The following NALCN variants were observed in gnomAD, a reference collection of about 807,000 sequenced individuals.
NALCN encodes sodium leak channel, non-selective, also known as sodium leak channel NALCN.
A neutral mutation model predicts 225.3 loss-of-function variants in NALCN; 111 were observed. The ratio of observed to expected loss-of-function variants is 0.49; its 90% CI spans 0.42 to 0.58. The LOEUF is 0.58. Among genes scored for constraint, NALCN ranks in the 20% least tolerant of loss-of-function variants. The pLI is 0.00. For synonymous variants in NALCN, 764 were observed against 769.0 expected, an observed-to-expected ratio of 0.99 and a Z score of 0.11; for missense variants, 1,378 against 2,202.4, an observed-to-expected ratio of 0.63 and a Z score of 7.49.
chr13:101,283,785 G>T, intron 10 of NALCN, 148 bp downstream of exon 10: 1 of 601,076 alleles, frequency 1.7e-6, no homozygotes, highest in Non-Finnish European at 2.7e-6. Flanking sequence ...TAGGTCCTGG[G>T]AATAGAGGAA....
chr13:101,229,074 A>C (rs529289511), intron 13 of NALCN, among the ~76,000 whole-genome samples: 1 of 152,322 alleles, frequency 6.6e-6, no homozygotes, highest in African/African-American at 2.4e-5. Flanking sequence ...TGAACACAAA[A>C]ATGCAAGCTT....
intron 17 of NALCN, among the ~76,000 whole-genome samples, chr13:101,140,243 T>C (rs551309777): frequency 5.7e-4 from 87 of 152,248 alleles, no homozygotes; most frequent in African/African-American, 2.0e-3. Flanking sequence ...CTGGGGAGGG[T>C]TCGCTTCGGG....
At chr13:101,385,794 A>C (rs2046970838) in intron 3 of NALCN, among the ~76,000 whole-genome samples, 1 of 152,156 alleles carries the variant, frequency 6.6e-6, no homozygotes, top group African/African-American at 2.4e-5. Flanking sequence ...GGCCCATTTT[A>C]TCATATTTCA....
At chr13:101,294,752 T>G (rs982167316) in intron 7 of NALCN, among the ~76,000 whole-genome samples, 1 of 151,976 alleles carries the variant, frequency 6.6e-6, no homozygotes, top group Admixed American at 6.6e-5. Context: ...ATGAAGTAAT[T>G]CTTTAACATA....
intron 10 of NALCN, among the ~76,000 whole-genome samples, chr13:101,278,516 C>G (rs2043037096): frequency 9.3e-6 from 1 of 108,098 alleles, no homozygotes; most frequent in East Asian, 2.9e-4. Context: ...GAGTGAGACT[C>G]TGTCTCAAAA....
rs978248260 is a variant in NALCN at position 101,284,075 on chromosome 13, C to A, written c.1048-56G>T. The A allele has an allele frequency of 4.9e-6, 7 of 1,429,158 alleles. No individual in the cohort carries two copies. In the Admixed American group the frequency reaches 1.2e-4, roughly 24 times the overall value. The allele number at this position is 1,429,158 out of a possible 1,614,324, so 88.5% of individuals were successfully genotyped here. ...GACATTTAATATGGAACATTGAGAA[C>A]TCTATGTCTCCAGCTTTGTATATTT... On this transcript the variant is annotated intron_variant, in intron 9 of 43. Transcript: ENST00000251127.
chr13:101,264,628 G>A (rs1276983421), intron 10 of NALCN, among the ~76,000 whole-genome samples: 2 of 152,172 alleles, frequency 1.3e-5, no homozygotes, highest in East Asian at 1.9e-4. Context: ...TGAATTTTGA[G>A]AAGCACTGTT....
intron 15 of NALCN, among the ~76,000 whole-genome samples, chr13:101,158,003 A>G (rs2037988838): frequency 6.6e-6 from 1 of 152,058 alleles, no homozygotes; most frequent in South Asian, 2.1e-4. Context: ...CACCCACCTC[A>G]GCCTCCCAAA....
chr13:101,118,778 T>C (rs2035835932), intron 18 of NALCN, among the ~76,000 whole-genome samples: 1 of 152,108 alleles, frequency 6.6e-6, no homozygotes, highest in Non-Finnish European at 1.5e-5. Context: ...ATCTCAGGGG[T>C]TGGCACAAAC....
At chr13:101,279,766 G>A (rs1415577810) in intron 10 of NALCN, among the ~76,000 whole-genome samples, 3 of 148,784 alleles carry the variant, frequency 2.0e-5, no homozygotes, top group African/African-American at 4.9e-5. Context: ...GCAGTGAGCC[G>A]AGATCCCGCC....
intron 11 of NALCN, among the ~76,000 whole-genome samples, chr13:101,257,670 T>C (rs548855): frequency 0.36 from 54,143 of 151,898 alleles, 10,433 homozygotes; most frequent in Admixed American, 0.45. Flanking sequence ...TATACCTCAC[T>C]CACACAATGA....
chr13:101,323,653 A>C (rs1287337661), intron 7 of NALCN, among the ~76,000 whole-genome samples: 1 of 152,246 alleles, frequency 6.6e-6, no homozygotes, highest in Admixed American at 6.5e-5. Flanking sequence ...TCAACATAGT[A>C]AGCTCAATTA....
chr13:101,357,737 T>C (rs751296483), intron 6 of NALCN, among the ~76,000 whole-genome samples: 3 of 151,872 alleles, frequency 2.0e-5, no homozygotes, highest in African/African-American at 2.4e-5. Flanking sequence ...AGACAATCCT[T>C]AGGAAAAAGA....
intron 3 of NALCN, 63 bp from the exon 4 acceptor site, chr13:101,378,716 A>C (rs991406269): frequency 7.4e-7 from 1 of 1,344,688 alleles, no homozygotes; most frequent in Non-Finnish European, 1.0e-6. Flanking sequence ...CAATCTGTGG[A>C]GGAAAATGTC....
At chr13:101,401,820 T>C (rs1421299118) in intron 1 of NALCN, among the ~76,000 whole-genome samples, 3 of 152,116 alleles carry the variant, frequency 2.0e-5, no homozygotes, top group Non-Finnish European at 4.4e-5. Context: ...CACACATACA[T>C]AAAAACTCAA....
At chr13:101,080,556 TAAATAATTATAACC>T (rs200203448) in intron 34 of NALCN, among the ~76,000 whole-genome samples, 14,549 of 71,752 alleles carry the variant, frequency 0.2, 1,318 homozygotes, top group African/African-American at 0.32. Flanking sequence ...TAATTATACA[TAAATAATTATAACC>T]AAATAATTAT....
intron 6 of NALCN, among the ~76,000 whole-genome samples, chr13:101,375,240 A>ATG (rs1286621190): frequency 6.6e-6 from 1 of 152,118 alleles, no homozygotes; most frequent in Non-Finnish European, 1.5e-5. Flanking sequence ...TGCCTTTACT[A>ATG]TGTGCTGGTT....
chr13:101,141,876 T>TA (rs964360503), intron 17 of NALCN, among the ~76,000 whole-genome samples: 6 of 152,050 alleles, frequency 3.9e-5, no homozygotes, highest in African/African-American at 1.4e-4. Context: ...TGTAAAGGAA[T>TA]AAAAAACACT....
chr13:101,237,889 G>C lies in NALCN; in HGVS notation c.1300C>G (p.Leu434Val). ...AFTVLFDLEA[L>V]LKIWCLGFTG... ...AATCCCAAACACCATATCTTCAGAA[G>C]TGCTTCCAAATCAAAAAGTACTGTA... The change falls in exon 12 of 44, where the codon CTT (leucine) becomes GTT (valine). Residue 434 changes from leucine to valine, a missense_variant. Physicochemically the swap from Leu to Val is conservative, Grantham distance 32. Coordinates refer to ENST00000251127, the MANE Select transcript of NALCN (RefSeq NM_052867.4). The C allele has an allele frequency of 6.2e-7, 1 of 1,606,334 alleles. No homozygotes were observed. The highest frequency in any genetic ancestry group is 8.5e-7 in the Non-Finnish European group (1 of 1,176,850).
Sources: allele counts gnomAD v4.1 joint callset (sites outside exome capture counted in the v4.1 genomes callset), GRCh38; gene constraint gnomAD v4.1.1; transcripts MANE v1.5; gene names NCBI Gene and HGNC (gene_info 2026-07-23, HGNC 2026-07-21).